The following TMTC1 variants were observed in gnomAD, a reference collection of about 807,000 sequenced individuals.
TMTC1 encodes the protein protein O-mannosyl-transferase TMTC1.
In TMTC1, 73 loss-of-function variants were observed where a neutral mutation model predicts 104.8. That is an observed-to-expected ratio of 0.70 (90% CI 0.58 to 0.85). TMTC1 has a LOEUF of 0.85. TMTC1 is among the 40% of genes least tolerant of loss of function. The pLI is 0.00. For synonymous variants in TMTC1, 434 were observed against 428.7 expected, an observed-to-expected ratio of 1.01 and a Z score of -0.15; for missense variants, 1,035 against 1,096.1, an observed-to-expected ratio of 0.94 and a Z score of 0.79.
Position 29,530,651 on chromosome 12 carries a change from C to T in TMTC1, c.1785+5558G>A, listed in dbSNP as rs748909334. On this transcript the variant is annotated intron_variant, in intron 11 of 17. Transcript: ENST00000539277. ...CAACCCGTTCAGCATAAATTCCTGTCTTGCCCTTCCTCCTTCAAAGCACCT... is the reference window on the plus strand; with the variant it reads ...CAACCCGTTCAGCATAAATTCCTGTTTTGCCCTTCCTCCTTCAAAGCACCT... 9.2e-5 allele frequency among the ~76,000 whole-genome samples: 14 copies of T among 152,198 alleles called. 1 individual carries two copies. The highest frequency in any genetic ancestry group is 1.3e-4 in the Non-Finnish European group (9 of 68,038).
intron 9 of TMTC1, among the ~76,000 whole-genome samples, chr12:29,560,791 T>C (rs1945358454): frequency 6.6e-6 from 1 of 152,094 alleles, no homozygotes; most frequent in African/African-American, 2.4e-5. Context: ...GAGTAGGCAG[T>C]CAAGGGCATC....
At chr12:29,734,562 T>A (rs908910324) in intron 5 of TMTC1, among the ~76,000 whole-genome samples, 2 of 152,194 alleles carry the variant, frequency 1.3e-5, no homozygotes, top group Admixed American at 1.3e-4. Context: ...GGAGGATGCC[T>A]ATATATAGAC....
At chr12:29,763,858 G>GAT (rs1943405605) in intron 2 of TMTC1, among the ~76,000 whole-genome samples, 1 of 152,196 alleles carries the variant, frequency 6.6e-6, no homozygotes, top group South Asian at 2.1e-4. Flanking sequence ...GAGGTCTGGA[G>GAT]ATACATGGTG....
intron 5 of TMTC1, among the ~76,000 whole-genome samples, chr12:29,664,059 C>G (rs1236155520): frequency 6.7e-6 from 1 of 149,920 alleles, no homozygotes; most frequent in African/African-American, 2.4e-5. Context: ...TAGTGGCGGG[C>G]GCCTGTAGTC....
At chr12:29,521,846 G>T (rs1049297303) in intron 11 of TMTC1, among the ~76,000 whole-genome samples, 6 of 152,164 alleles carry the variant, frequency 3.9e-5, no homozygotes, top group African/African-American at 1.4e-4. Context: ...GGGATTACAG[G>T]CATGAACCAC....
chr12:29,703,911 C>T (rs980865429), intron 5 of TMTC1, among the ~76,000 whole-genome samples: 4 of 152,170 alleles, frequency 2.6e-5, no homozygotes, highest in Admixed American at 2.6e-4. Context: ...GTGTCCCCAC[C>T]CAAATCTCAT....
chr12:29,670,527 C>T (rs1443054468), intron 5 of TMTC1, among the ~76,000 whole-genome samples: 1 of 152,168 alleles, frequency 6.6e-6, no homozygotes, highest in Admixed American at 6.5e-5. Context: ...TGCTACCTCT[C>T]ACGGCATTTC....
Position 29,783,537 on chromosome 12 carries a change from C to A in TMTC1, c.215G>T (p.Gly72Val), listed in dbSNP as rs922991596. 20 of 1,467,014 alleles carry A rather than the reference C, an allele frequency of 1.4e-5. No individual in the cohort carries two copies. The highest frequency in any genetic ancestry group is 1.8e-5 in the Non-Finnish European group (20 of 1,110,786). 90.9% of individuals were successfully genotyped at this position (1,467,014 alleles called of 1,614,324 possible). Residue 72 changes from glycine (G) to valine (V), a missense_variant, in exon 1 of 18, where the codon GGC becomes GTC. Transcript: ENST00000539277. This position sits in a 1 kb window ranked among gnomAD's most constrained non-coding sequence, Gnocchi z 4.7. ...GCCCCAGAAGTCGTTGGTGAAGATG[C>A]CCCAGCGGAGCGGGGCGCCGGGCCG... Reference protein sequence around the residue: ...DVRPGAPLRWGIFTNDFWGKG... With the variant: ...DVRPGAPLRWVIFTNDFWGKG...
intron 6 of TMTC1, among the ~76,000 whole-genome samples, chr12:29,613,623 A>G (rs1405306894): frequency 6.6e-6 from 1 of 152,248 alleles, no homozygotes; most frequent in Admixed American, 6.5e-5. Flanking sequence ...TTAAGAACCA[A>G]GATGGATTTA....
At chr12:29,554,514 T>C (rs1945187370) in intron 10 of TMTC1, among the ~76,000 whole-genome samples, 1 of 152,136 alleles carries the variant, frequency 6.6e-6, no homozygotes, top group South Asian at 2.1e-4. Flanking sequence ...TTAAGGTGGG[T>C]CAAAGAAAAT....
intron 5 of TMTC1, among the ~76,000 whole-genome samples, chr12:29,669,935 C>A (rs984621895): frequency 2.0e-5 from 3 of 152,200 alleles, no homozygotes; most frequent in Admixed American, 1.3e-4. Context: ...GGGTCTAGCA[C>A]CAGGATTGAG....
rs77280251 is a variant in TMTC1, at chr12:29,645,834, A to T, written c.939-12498T>A. On this transcript the variant is annotated intron_variant, in intron 5 of 17. Coordinates refer to ENST00000539277, the MANE Select transcript of TMTC1 (RefSeq NM_001193451.2). ...CTATTAATGAACCGCATACAATATT[A>T]AAAATACTACTAGCATGTAGAACAT... 7.5e-3 allele frequency among the ~76,000 whole-genome samples: 1,135 copies of T among 152,320 alleles called. 17 individuals carry two copies. The highest frequency in any genetic ancestry group is 0.025 in the African/African-American group (1,037 of 41,556).
At chr12:29,583,827 A>C (rs1946051808) in intron 7 of TMTC1, among the ~76,000 whole-genome samples, 1 of 151,944 alleles carries the variant, frequency 6.6e-6, no homozygotes, top group Non-Finnish European at 1.5e-5. Context: ...TTGTAGGCTT[A>C]AAGTGCCCTG....
At chr12:29,656,071 C>G (rs963122026) in intron 5 of TMTC1, among the ~76,000 whole-genome samples, 6 of 151,978 alleles carry the variant, frequency 3.9e-5, no homozygotes, top group Non-Finnish European at 5.9e-5. Flanking sequence ...CCAGCCAAGT[C>G]GCAGCTAAAC....
At chr12:29,576,605 G>A (rs1945829920) in intron 8 of TMTC1, among the ~76,000 whole-genome samples, 1 of 152,140 alleles carries the variant, frequency 6.6e-6, no homozygotes, top group Non-Finnish European at 1.5e-5. Flanking sequence ...AACGAGAATA[G>A]AATAATGGTT....
intron 5 of TMTC1, among the ~76,000 whole-genome samples, chr12:29,735,583 G>A (rs1942650732): frequency 6.6e-6 from 1 of 152,180 alleles, no homozygotes. Context: ...ACCTCATTAT[G>A]TAATAGGTGT....
chr12:29,542,656 A>G (rs775626633), intron 10 of TMTC1, among the ~76,000 whole-genome samples: 6 of 152,176 alleles, frequency 3.9e-5, no homozygotes, highest in Non-Finnish European at 7.3e-5. Flanking sequence ...TCTGCTTAGC[A>G]TGGATCAATT....
chr12:29,518,245 A>G (rs1364326915), intron 13 of TMTC1, among the ~76,000 whole-genome samples: 1 of 152,228 alleles, frequency 6.6e-6, no homozygotes, highest in African/African-American at 2.4e-5. Flanking sequence ...AGTGGGAATT[A>G]AATTTCAACC....
At position 29,768,520 on chromosome 12, in the gene TMTC1, A is replaced by G. The variant is rs117446528; in HGVS notation, c.303-445T>C. Reference sequence around the variant, plus strand: ...AAACCATGAAACTACGATTATAGTCACAGTTGGGACAAATGAAGCATGAAT... The same window carrying G: ...AAACCATGAAACTACGATTATAGTCGCAGTTGGGACAAATGAAGCATGAAT... On this transcript the variant is annotated intron_variant, in intron 1 of 17. Transcript: ENST00000539277. Among the ~76,000 whole-genome samples, 41 of 152,332 alleles carry G rather than the reference A, an allele frequency of 2.7e-4. 1 individual carries two copies. In the East Asian group the frequency reaches 6.4e-3, roughly 24 times the overall value.
Sources: gnomAD v4.1 joint callset for allele counts (sites outside exome capture counted in the v4.1 genomes callset) on GRCh38, gnomAD v4.1.1 for gene constraint, Gnocchi (gnomAD v3.1) non-coding constraint, MANE v1.5 for transcripts, NCBI Gene and HGNC (gene_info 2026-07-23, HGNC 2026-07-21) for gene names.